DCDC2: variants seen among roughly 807,000 people sequenced by gnomAD.
DCDC2 encodes the protein doublecortin domain-containing protein 2.
In DCDC2, 40 loss-of-function variants were observed where a neutral mutation model predicts 50.2. The ratio of observed to expected loss-of-function variants is 0.80; its 90% CI spans 0.62 to 1.04. DCDC2 has a LOEUF of 1.04. Ranked by LOEUF, DCDC2 falls within the 50% of genes least tolerant of loss-of-function variation. DCDC2 has a pLI of 0.00. For missense variants in DCDC2, 570 were observed against 581.9 expected (o/e 0.98, Z 0.21); for synonymous variants, 234 against 210.6 (o/e 1.11, Z -0.96).
chr6:24,322,764 G>A (rs1190127307), intron 2 of DCDC2, among the ~76,000 whole-genome samples: 8 of 152,062 alleles, frequency 5.3e-5, no homozygotes, highest in South Asian at 2.1e-4. Context: ...GAGTTGTCCC[G>A]CCTTTCTGAA....
chr6:24,220,879 A>AGAGCGAGAGAGTGAGCGAGT (rs1718595560), intron 7 of DCDC2, among the ~76,000 whole-genome samples: 2 of 106,978 alleles, frequency 1.9e-5, no homozygotes, highest in African/African-American at 9.2e-5. Flanking sequence ...CAAGAGAGCG[A>AGAGCGAGAGAGTGAGCGAGT]GAGCGAGAGA....
chr6:24,304,188 A>C (rs1350413252), intron 2 of DCDC2, among the ~76,000 whole-genome samples: 2 of 152,218 alleles, frequency 1.3e-5, no homozygotes, highest in East Asian at 3.8e-4. Context: ...ACTTTTTAAA[A>C]AATGTTTAAC....
At chr6:24,182,157 T>C (rs962772692) in intron 8 of DCDC2, among the ~76,000 whole-genome samples, 1 of 152,164 alleles carries the variant, frequency 6.6e-6, no homozygotes, top group Admixed American at 6.5e-5. Flanking sequence ...GTACAAAAAA[T>C]AGCTTCAAAT....
chr6:24,278,813 A>G (rs1170073690), intron 6 of DCDC2, among the ~76,000 whole-genome samples: 2 of 152,208 alleles, frequency 1.3e-5, no homozygotes, highest in African/African-American at 2.4e-5. Flanking sequence ...ACAAGCAGCC[A>G]TACACTCTGC....
At chr6:24,282,910 G>T (rs923301251) in intron 6 of DCDC2, among the ~76,000 whole-genome samples, 10 of 152,086 alleles carry the variant, frequency 6.6e-5, no homozygotes, top group Non-Finnish European at 1.5e-4. Context: ...GGAGTATAAG[G>T]AATTCATCTT....
intron 4 of DCDC2, among the ~76,000 whole-genome samples, chr6:24,297,559 TTC>T (rs1295342893): frequency 2.0e-5 from 3 of 152,202 alleles, no homozygotes; most frequent in South Asian, 2.1e-4. Context: ...TATATTTTAT[TTC>T]TGTGTGTAAA....
At chr6:24,191,317 G>C (rs1340809134) in intron 8 of DCDC2, among the ~76,000 whole-genome samples, 1 of 152,132 alleles carries the variant, frequency 6.6e-6, no homozygotes, top group African/African-American at 2.4e-5. Context: ...TCAATGATGA[G>C]ACCAAGTCAG....
At chr6:24,358,741 T>A (rs1479431517), upstream of DCDC2, among the ~76,000 whole-genome samples, 2 of 2,156 alleles carry the variant, frequency 9.3e-4, no homozygotes, top group Admixed American at 0.015. Flanking sequence ...TTTATATATA[T>A]TTTATTTATT....
intron 6 of DCDC2, among the ~76,000 whole-genome samples, chr6:24,287,538 G>T (rs76838008): frequency 0.015 from 2,301 of 152,152 alleles, 53 homozygotes; most frequent in African/African-American, 0.052. Flanking sequence ...CCTGCCTTGT[G>T]GGGTGAGGTT....
rs145732220 is a variant in DCDC2, at chr6:24,324,309, G to A, written c.349-22265C>T. Among the ~76,000 whole-genome samples the A allele has an allele frequency of 2.3e-4, 35 of 152,280 alleles. 1 individual carries two copies. In the East Asian group the frequency reaches 5.4e-3, roughly 23 times the overall value. On this transcript the variant is annotated intron_variant, in intron 2 of 9. Transcript: ENST00000378454. ...CCCTTACCTAATCAGCCCACTGTAA[G>A]CTAATCTCTATCCTACTAGAATGAA...
At chr6:24,295,272 T>A (rs6456603) in intron 4 of DCDC2, among the ~76,000 whole-genome samples, 3,125 of 152,126 alleles carry the variant, frequency 0.021, 91 homozygotes, top group African/African-American at 0.067. Flanking sequence ...AAATTCAACA[T>A]CCCTTCAAGT....
intron 7 of DCDC2, among the ~76,000 whole-genome samples, chr6:24,232,006 CACACACACACACACACACACACAT>C (rs1762346116): frequency 1.6e-5 from 1 of 63,670 alleles, no homozygotes; most frequent in Non-Finnish European, 3.5e-5. Flanking sequence ...TATATATATA[CACACACACACACACACACACACAT>C]ACACACATAC....
chr6:24,338,079 T>A (rs1760090810), intron 2 of DCDC2, among the ~76,000 whole-genome samples: 1 of 152,208 alleles, frequency 6.6e-6, no homozygotes, highest in South Asian at 2.1e-4. Context: ...ATCTGTGAGC[T>A]CTTGAGAAAC....
Position 24,285,371 on chromosome 6 carries a change from C to T in DCDC2, c.759+3481G>A, listed in dbSNP as rs1271491774. 9.9e-5 allele frequency among the ~76,000 whole-genome samples: 15 copies of T among 152,276 alleles called. No homozygotes were observed. In the East Asian group the frequency reaches 2.5e-3, roughly 25 times the overall value. On this transcript the variant is annotated intron_variant, in intron 6 of 9. Transcript: ENST00000378454. ...CCTCCATGAGGCCTCCCCTGACACA[C>T]CTATCTAAATGTGTTTTTCTTTTAT...
intron 7 of DCDC2, among the ~76,000 whole-genome samples, chr6:24,238,265 A>G: frequency 1.4e-5 from 2 of 146,340 alleles, no homozygotes; most frequent in Non-Finnish European, 3.0e-5. Context: ...GTCAAACCAC[A>G]TCTTGGACAC....
Position 24,174,530 on chromosome 6 carries a change from A to G in DCDC2, c.*200T>C. ...TATTTCTATATGACTTTTAAAACAC[A>G]TGCAATAAAAGTAAGTAATTATCCT... On this transcript the variant is annotated 3_prime_UTR_variant, in exon 10 of 10. Transcript: ENST00000378454. 1 of 413,726 alleles carries G rather than the reference A, an allele frequency of 2.4e-6. No homozygotes were observed. 25.6% of individuals were successfully genotyped at this position (413,726 alleles called of 1,614,324 possible).
intron 7 of DCDC2, among the ~76,000 whole-genome samples, chr6:24,225,893 G>A (rs1038934372): frequency 6.6e-6 from 1 of 152,114 alleles, no homozygotes; most frequent in African/African-American, 2.4e-5. Flanking sequence ...AAAACAGTCA[G>A]CATATTATAA....
intron 6 of DCDC2, among the ~76,000 whole-genome samples, chr6:24,288,289 C>T (rs751905468): frequency 1.3e-5 from 2 of 152,162 alleles, no homozygotes; most frequent in Admixed American, 1.3e-4. Flanking sequence ...CATCAGGGAG[C>T]GCAGACTGAA....
chr6:24,357,418 G>A, intron 1 of DCDC2, 40 bp downstream of exon 1: 1 of 1,558,998 alleles, frequency 6.4e-7, no homozygotes, highest in Non-Finnish European at 8.7e-7. Context: ...CCACACTATA[G>A]GGCACCTAAA....
Sources: gnomAD v4.1 joint callset for allele counts (sites outside exome capture counted in the v4.1 genomes callset) on GRCh38, gnomAD v4.1.1 for gene constraint, MANE v1.5 for transcripts, NCBI Gene and HGNC (gene_info 2026-07-23, HGNC 2026-07-21) for gene names.